LRFN2: variants seen among roughly 807,000 people sequenced by gnomAD.
LRFN2 encodes leucine rich repeat and fibronectin type III domain containing 2.
A neutral mutation model predicts 37.3 loss-of-function variants in LRFN2; 18 were observed. The observed-to-expected ratio is 0.48, with a 90% CI of 0.33 to 0.72. The LOEUF is 0.72. Ranked by LOEUF, LRFN2 falls within the 30% of genes least tolerant of loss-of-function variation. LRFN2 has a pLI of 0.02. For synonymous variants in LRFN2, 556 were observed against 466.6 expected, an observed-to-expected ratio of 1.19 and a Z score of -2.47; for missense variants, 1,006 against 1,060.7, an observed-to-expected ratio of 0.95 and a Z score of 0.72.
chr6:40,577,232 G>A (rs1055268953), intron 1 of LRFN2, among the ~76,000 whole-genome samples: 1 of 151,958 alleles, frequency 6.6e-6, no homozygotes, highest in African/African-American at 2.4e-5. Context: ...CTCCCAAGTA[G>A]CCGGGACTAC....
At chr6:40,463,670 A>ATTTT (rs66745321) in intron 1 of LRFN2, among the ~76,000 whole-genome samples, 108 of 76,528 alleles carry the variant, frequency 1.4e-3, no homozygotes, top group East Asian at 2.6e-3. Flanking sequence ...CTTTCTTTCT[A>ATTTT]TTTTTTTTTT....
intron 1 of LRFN2, among the ~76,000 whole-genome samples, chr6:40,571,212 C>T (rs1767180573): frequency 6.6e-6 from 1 of 152,232 alleles, no homozygotes; most frequent in African/African-American, 2.4e-5. Flanking sequence ...AATTAGCTAG[C>T]CTCTGTCACC....
At chr6:40,531,405 C>G (rs934727307) in intron 1 of LRFN2, among the ~76,000 whole-genome samples, 1 of 152,144 alleles carries the variant, frequency 6.6e-6, no homozygotes, top group Non-Finnish European at 1.5e-5. Flanking sequence ...GAATGGTGCA[C>G]TCTGAACGCC....
chr6:40,403,149 C>T (rs181935852), intron 2 of LRFN2, among the ~76,000 whole-genome samples: 2 of 152,162 alleles, frequency 1.3e-5, no homozygotes, highest in African/African-American at 4.8e-5. Flanking sequence ...TGTGTTTAAA[C>T]TCAGTGGGAC....
chr6:40,528,731 A>G (rs964038558), intron 1 of LRFN2, among the ~76,000 whole-genome samples: 11 of 152,230 alleles, frequency 7.2e-5, no homozygotes, highest in African/African-American at 2.4e-4. Flanking sequence ...CCTTCGCATC[A>G]TTGTAAAGTC....
intron 1 of LRFN2, among the ~76,000 whole-genome samples, chr6:40,492,137 G>C (rs546259866): frequency 6.6e-6 from 1 of 152,218 alleles, no homozygotes; most frequent in South Asian, 2.1e-4. Flanking sequence ...GTGGTCTAAG[G>C]TACCTTTGAG....
chr6:40,493,883 C>T (rs9471358), intron 1 of LRFN2, among the ~76,000 whole-genome samples: 2,312 of 152,306 alleles, frequency 0.015, 55 homozygotes, highest in African/African-American at 0.052. Context: ...TCTGGCCCAA[C>T]AAGGGCAGAC....
intron 1 of LRFN2, among the ~76,000 whole-genome samples, chr6:40,520,199 T>C (rs914473061): frequency 2.0e-5 from 3 of 151,984 alleles, no homozygotes; most frequent in Non-Finnish European, 4.4e-5. Context: ...ATGAGAACTG[T>C]AGCAGGAAAC....
At position 40,431,741 on chromosome 6, in the gene LRFN2, C is replaced by G; in HGVS notation, c.1373G>C (p.Cys458Ser). The G allele has an allele frequency of 1.3e-6, 2 of 1,519,300 alleles. No homozygotes were observed. The highest frequency in any genetic ancestry group is 2.3e-5 in the East Asian group (1 of 44,022). 94.1% of individuals were successfully genotyped at this position (1,519,300 alleles called of 1,614,324 possible). Residue 458 changes from cysteine (C) to serine (S), a missense_variant, in exon 2 of 3, where the codon TGC (cysteine) becomes TCC (serine). Cys to Ser is a moderately radical substitution (Grantham distance 112, BLOSUM62 -1). Coordinates refer to ENST00000338305, the MANE Select transcript of LRFN2 (RefSeq NM_020737.3). ...RVKMYQLQYN[C>S]SDDEVLIYRM... ...GTAAATCAGTACCTCATCGTCAGAG[C>G]AGTTGTACTGCAGCTGGTACATCTT...
chr6:40,568,248 A>G (rs1228116810), intron 1 of LRFN2, among the ~76,000 whole-genome samples: 2 of 152,140 alleles, frequency 1.3e-5, no homozygotes, highest in African/African-American at 4.8e-5. Flanking sequence ...CCCTCCCACA[A>G]TGCAGTTAAG....
chr6:40,510,897 C>A (rs1765688350), intron 1 of LRFN2, among the ~76,000 whole-genome samples: 1 of 152,130 alleles, frequency 6.6e-6, no homozygotes, highest in African/African-American at 2.4e-5. Flanking sequence ...GTGCACAAAT[C>A]CCTAGGCCAA....
At chr6:40,399,052 A>T (rs972863326) in intron 2 of LRFN2, among the ~76,000 whole-genome samples, 1 of 151,820 alleles carries the variant, frequency 6.6e-6, no homozygotes, top group Non-Finnish European at 1.5e-5. Context: ...TGGCCAATGG[A>T]GGCACTGGAG....
intron 1 of LRFN2, among the ~76,000 whole-genome samples, chr6:40,541,345 A>G (rs956934404): frequency 8.5e-5 from 13 of 152,204 alleles, no homozygotes; most frequent in African/African-American, 2.9e-4. Context: ...GTCGCCTCAC[A>G]TTCCCCAAGA....
Position 40,463,670 on chromosome 6 carries a change from A to ATTTTT in LRFN2, c.-18-30544_-18-30540dup, listed in dbSNP as rs66745321. Among the ~76,000 whole-genome samples, 166 of 76,530 alleles carry ATTTTT rather than the reference A, an allele frequency of 2.2e-3. 12 individuals are homozygous for ATTTTT. In the East Asian group the frequency reaches 0.047, roughly 22 times the overall value. The allele number at this position is 76,530 out of a possible 152,430, so 50.2% of individuals were successfully genotyped here. ...TACATCATACTATTTCTTTCTTTCT[A>ATTTTT]TTTTTTTTTTTTTTTTTTTTTTTTG... On this transcript the variant is annotated intron_variant, in intron 1 of 2. Coordinates refer to ENST00000338305, the MANE Select transcript of LRFN2 (RefSeq NM_020737.3).
chr6:40,500,951 CTTT>C (rs5875720), intron 1 of LRFN2, among the ~76,000 whole-genome samples: 2 of 139,866 alleles, frequency 1.4e-5, no homozygotes, highest in Non-Finnish European at 1.6e-5. Context: ...TGTTTTTTCA[CTTT>C]TTTTTTTTTT....
intron 1 of LRFN2, among the ~76,000 whole-genome samples, chr6:40,499,478 A>T (rs369315891): frequency 3.5e-4 from 54 of 152,270 alleles, no homozygotes; most frequent in South Asian, 1.0e-3. Flanking sequence ...CCAGGAGAAG[A>T]TTTCTGCAAC....
intron 1 of LRFN2, among the ~76,000 whole-genome samples, chr6:40,452,673 G>A (rs2436743): frequency 0.93 from 142,133 of 152,250 alleles, 67,132 homozygotes; most frequent in Non-Finnish European, 1. Context: ...AAAGAGCCAC[G>A]CAGACCACAA....
chr6:40,441,923 C>T (rs1490940442), intron 1 of LRFN2, among the ~76,000 whole-genome samples: 3 of 152,198 alleles, frequency 2.0e-5, no homozygotes, highest in Admixed American at 6.5e-5. Context: ...ATGGAACCTT[C>T]TCACCCAGAG....
chr6:40,431,658 C>T, intron 2 of LRFN2, 56 bp downstream of exon 2: 1 of 1,451,954 alleles, frequency 6.9e-7, no homozygotes, highest in Non-Finnish European at 9.2e-7. Context: ...CTCCCCATCC[C>T]CTCCTCCTTC....
Sources: gnomAD v4.1 joint callset for allele counts (sites outside exome capture counted in the v4.1 genomes callset) on GRCh38, gnomAD v4.1.1 for gene constraint, MANE v1.5 for transcripts, NCBI Gene and HGNC (gene_info 2026-07-23, HGNC 2026-07-21) for gene names.